The following TIAM1 variants were observed in gnomAD, a reference collection of about 807,000 sequenced individuals.
TIAM1 encodes TIAM Rac1 associated GEF 1, also known as rho guanine nucleotide exchange factor TIAM1.
In TIAM1, 65 loss-of-function variants were observed where a neutral mutation model predicts 163.5. The observed-to-expected ratio is 0.40, with a 90% CI of 0.33 to 0.49. The LOEUF (loss-of-function observed/expected upper bound fraction) is 0.49, where lower values mean the gene tolerates loss of function less well. TIAM1 is among the 20% of genes least tolerant of loss of function. The pLI is 0.77. For missense variants in TIAM1, 1,789 were observed against 2,044.7 expected (o/e 0.87, Z 2.41); for synonymous variants, 833 against 810.1 (o/e 1.03, Z -0.48).
Position 31,416,158 on chromosome 21 carries a change from C to T in TIAM1, c.-369+47825G>A, listed in dbSNP as rs140065859. Among the ~76,000 whole-genome samples the T allele has an allele frequency of 5.0e-3, 761 of 152,222 alleles. 6 individuals are homozygous for T. The highest frequency in any genetic ancestry group is 0.017 in the African/African-American group (720 of 41,512). On this transcript the variant is annotated intron_variant, in intron 2 of 28. Transcript: ENST00000286827. ...CCCCTCTCGCCAAATCCTCACAAAT[C>T]CTATATACCAGCCCCATAGGACAAC...
At chr21:31,166,882 T>A (rs1343124221) in intron 15 of TIAM1, among the ~76,000 whole-genome samples, 1 of 152,114 alleles carries the variant, frequency 6.6e-6, no homozygotes, top group East Asian at 1.9e-4. Context: ...AACCACAGCA[T>A]CCTCAGTGGG....
chr21:31,213,236 G>T, intron 10 of TIAM1, 162 bp downstream of exon 10: 1 of 583,382 alleles, frequency 1.7e-6, no homozygotes, highest in Non-Finnish European at 2.9e-6. Flanking sequence ...AATATAAAAT[G>T]ATTTTCCATC....
intron 2 of TIAM1, among the ~76,000 whole-genome samples, chr21:31,331,373 A>C (rs1473480811): frequency 6.6e-6 from 1 of 152,216 alleles, no homozygotes; most frequent in African/African-American, 2.4e-5. Flanking sequence ...CATCAAACAC[A>C]GCCTGCAGGC....
At chr21:31,438,336 C>CAT (rs2044292534) in intron 2 of TIAM1, among the ~76,000 whole-genome samples, 1 of 151,316 alleles carries the variant, frequency 6.6e-6, no homozygotes, top group Admixed American at 6.6e-5. Context: ...GGATTACAGG[C>CAT]GCCTGCCACC....
chr21:31,404,764 A>G (rs2077220117), intron 2 of TIAM1, among the ~76,000 whole-genome samples: 1 of 152,162 alleles, frequency 6.6e-6, no homozygotes, highest in East Asian at 1.9e-4. Context: ...CCACTGGGGA[A>G]AGCTGGGTGG....
Position 31,118,891 on chromosome 21 carries a change from T to C in TIAM1, c.*1477A>G, listed in dbSNP as rs1456289287. 3.3e-6 allele frequency: 1 copy of C among 302,774 alleles called. No individual in the cohort carries two copies. Among genetic ancestry groups the C allele is most frequent in the Non-Finnish European group, 6.5e-6 (1 of 154,796 alleles). 18.8% of individuals were successfully genotyped at this position (302,774 alleles called of 1,614,324 possible). A position where few individuals can be genotyped will look rare whatever the true frequency, so the allele number is the denominator to read the frequency against. On this transcript the variant is annotated 3_prime_UTR_variant, in exon 28 of 28. Coordinates refer to ENST00000541036, the MANE Select transcript of TIAM1 (RefSeq NM_001353694.2). Reference sequence around the variant, plus strand: ...GCAGAGGCACAAGAGCATGATGTACTGAACTCTCTATTGTCTGGAAATATA... The same window carrying C: ...GCAGAGGCACAAGAGCATGATGTACCGAACTCTCTATTGTCTGGAAATATA...
At chr21:31,209,839 A>G (rs1217142702) in intron 11 of TIAM1, among the ~76,000 whole-genome samples, 1 of 152,254 alleles carries the variant, frequency 6.6e-6, no homozygotes, top group Non-Finnish European at 1.5e-5. Flanking sequence ...TACTTAGAAG[A>G]GTTCCTCTCT....
chr21:31,191,703 T>C (rs1321251649), intron 13 of TIAM1, among the ~76,000 whole-genome samples: 2 of 152,182 alleles, frequency 1.3e-5, no homozygotes, highest in African/African-American at 4.8e-5. Flanking sequence ...TGTAACACTC[T>C]CAAGACTGAC....
At chr21:31,260,217 A>C (rs1055560858) in intron 4 of TIAM1, among the ~76,000 whole-genome samples, 6 of 147,104 alleles carry the variant, frequency 4.1e-5, no homozygotes, top group Non-Finnish European at 9.0e-5. Flanking sequence ...ATATATATTA[A>C]TAAAATATAT....
rs115640071 is a variant in TIAM1 at position 31,201,431 on chromosome 21, C to T, written c.2493+1477G>A. On this transcript the variant is annotated intron_variant, in intron 12 of 27. Coordinates refer to ENST00000541036, the MANE Select transcript of TIAM1 (RefSeq NM_001353694.2). The stretch of plus-strand genomic sequence containing the variant: ...GTGCTATAAGTGTTACAAAAGCACA[C>T]GCTCTCTTACATTTCCTTAAAAGCC... Among the ~76,000 whole-genome samples, 701 of 152,244 alleles carry T rather than the reference C, an allele frequency of 4.6e-3. 6 individuals are homozygous for T. The highest frequency in any genetic ancestry group is 0.015 in the African/African-American group (643 of 41,534).
intron 19 of TIAM1, among the ~76,000 whole-genome samples, chr21:31,152,353 A>G (rs983707471): frequency 6.6e-6 from 1 of 152,142 alleles, no homozygotes; most frequent in Non-Finnish European, 1.5e-5. Context: ...ATTCTAATTC[A>G]CTGATAGCTA....
chr21:31,450,029 C>T (rs2044767908), intron 2 of TIAM1, among the ~76,000 whole-genome samples: 1 of 152,116 alleles, frequency 6.6e-6, no homozygotes, highest in South Asian at 2.1e-4. Context: ...CTCTTCCCTC[C>T]CCACAGAATA....
chr21:31,235,584 T>C (rs2088706873), intron 6 of TIAM1, among the ~76,000 whole-genome samples: 1 of 152,128 alleles, frequency 6.6e-6, no homozygotes, highest in African/African-American at 2.4e-5. Context: ...GCTAAAGTAG[T>C]TTTGTATCGT....
intron 2 of TIAM1, among the ~76,000 whole-genome samples, chr21:31,378,407 T>C (rs1275191166): frequency 6.6e-6 from 1 of 152,172 alleles, no homozygotes; most frequent in Admixed American, 6.5e-5. Flanking sequence ...CTATCTAACA[T>C]AGAAACTATT....
chr21:31,166,030 G>T (rs1341536478), intron 15 of TIAM1, among the ~76,000 whole-genome samples: 2 of 152,112 alleles, frequency 1.3e-5, no homozygotes, highest in African/African-American at 4.8e-5. Context: ...TTTCCCCTGG[G>T]GTGCTTCTCA....
At chr21:31,283,190 G>C (rs1040047724) in intron 2 of TIAM1, among the ~76,000 whole-genome samples, 4 of 152,202 alleles carry the variant, frequency 2.6e-5, no homozygotes, top group African/African-American at 4.8e-5. Flanking sequence ...AGGCCAAAGT[G>C]CTCTTTAGAC....
intron 1 of TIAM1, among the ~76,000 whole-genome samples, chr21:31,531,680 C>CT (rs1285504956): frequency 1.3e-5 from 2 of 151,012 alleles, no homozygotes; most frequent in Admixed American, 1.3e-4. Context: ...GAATAATCTG[C>CT]TTTTTTTTAC....
At chr21:31,501,676 C>G (rs978720192) in intron 1 of TIAM1, among the ~76,000 whole-genome samples, 1 of 152,116 alleles carries the variant, frequency 6.6e-6, no homozygotes. Context: ...GATCTCGGCT[C>G]GCTGCAACCT....
chr21:31,196,794 A>AG (rs2085881650), intron 12 of TIAM1, among the ~76,000 whole-genome samples: 1 of 152,188 alleles, frequency 6.6e-6, no homozygotes, highest in Non-Finnish European at 1.5e-5. Flanking sequence ...CGTGCACTGT[A>AG]TGTTCATTGC....
Sources: gnomAD v4.1 joint callset for allele counts (sites outside exome capture counted in the v4.1 genomes callset) on GRCh38, gnomAD v4.1.1 for gene constraint, MANE v1.5 for transcripts, NCBI Gene and HGNC (gene_info 2026-07-23, HGNC 2026-07-21) for gene names.